The following PCDH15 variants were observed in gnomAD, a reference collection of about 807,000 sequenced individuals.
PCDH15 encodes protocadherin-15.
A neutral mutation model predicts 178.5 loss-of-function variants in PCDH15; 129 were observed. The ratio of observed to expected loss-of-function variants is 0.72; its 90% confidence interval spans 0.63 to 0.84. The LOEUF is 0.84. Ranked by LOEUF, PCDH15 falls within the 40% of genes least tolerant of loss-of-function variation. PCDH15 has a pLI of 0.00. For synonymous variants in PCDH15, 800 were observed against 732.0 expected (o/e 1.09, Z -1.50); for missense variants, 2,230 against 2,099.9 (o/e 1.06, Z -1.21).
At position 54,066,892 on chromosome 10, in the gene PCDH15, G is replaced by A. The variant is rs748605459; in HGVS notation, c.2092-7C>T. Reference sequence around the variant, plus strand: ...TTACTGTGGCAGTTGAGGTCTTAAAGAAAAACACAAGCATTAAATGTGAGA... The same window carrying A: ...TTACTGTGGCAGTTGAGGTCTTAAAAAAAAACACAAGCATTAAATGTGAGA... On this transcript the variant is annotated splice_polypyrimidine_tract_variant and splice_region_variant and intron_variant, in intron 17 of 37. Coordinates refer to ENST00000644397, the MANE Select transcript of PCDH15 (RefSeq NM_001384140.1). 1 of 1,612,418 alleles carries A rather than the reference G, an allele frequency of 6.2e-7. No homozygotes were observed. The highest frequency in any genetic ancestry group is 8.5e-7 in the Non-Finnish European group (1 of 1,178,960).
chr10:54,971,416 T>A (rs1038521775), intron 2 of PCDH15, among the ~76,000 whole-genome samples: 1 of 152,100 alleles, frequency 6.6e-6, no homozygotes, highest in African/African-American at 2.4e-5. Context: ...AAGTACAGCC[T>A]GGGCCCTTAC....
chr10:54,799,159 A>G (rs1270469595), intron 1 of PCDH15, among the ~76,000 whole-genome samples: 1 of 152,264 alleles, frequency 6.6e-6, no homozygotes, highest in Non-Finnish European at 1.5e-5. Context: ...TAAAAATAAT[A>G]ATTACCTTTT....
At chr10:54,108,033 A>G (rs1270034671) in intron 15 of PCDH15, among the ~76,000 whole-genome samples, 1 of 152,148 alleles carries the variant, frequency 6.6e-6, no homozygotes, top group Non-Finnish European at 1.5e-5. Flanking sequence ...AATGAGGGTA[A>G]TCATGGTGTC....
chr10:54,670,976 T>C (rs1381226334), intron 1 of PCDH15, among the ~76,000 whole-genome samples: 1 of 152,148 alleles, frequency 6.6e-6, no homozygotes, highest in African/African-American at 2.4e-5. Flanking sequence ...TTCCATTCCA[T>C]CTATGTTTTC....
intron 2 of PCDH15, among the ~76,000 whole-genome samples, chr10:54,618,259 C>A (rs1038002785): frequency 2.0e-5 from 3 of 152,086 alleles, no homozygotes; most frequent in African/African-American, 7.2e-5. Context: ...GAGCAATAAA[C>A]ATACATATCT....
In PCDH15 at chr10:54,167,439, C is replaced by T. The variant is rs181179596; in HGVS notation, c.1591-14146G>A. Among the ~76,000 whole-genome samples, 983 of 152,202 alleles carry T rather than the reference C, an allele frequency of 6.5e-3. 12 individuals are homozygous for T. Among genetic ancestry groups the T allele is most frequent in the African/African-American group, 0.022 (918 of 41,530 alleles). ...ATCCGTGGACCCAAAACTCCGGCGC[C>T]GGTCACGGACAGGGAAGGCAGCCTT... On this transcript the variant is annotated intron_variant, in intron 13 of 37. Coordinates refer to ENST00000644397, the MANE Select transcript of PCDH15 (RefSeq NM_001384140.1).
At chr10:54,599,312 T>C (rs1007463586) in intron 2 of PCDH15, among the ~76,000 whole-genome samples, 6 of 151,990 alleles carry the variant, frequency 3.9e-5, no homozygotes, top group African/African-American at 9.7e-5. Context: ...AACATATGCA[T>C]AGACCAAAAA....
At chr10:54,781,702 C>G (rs556244875) in intron 1 of PCDH15, among the ~76,000 whole-genome samples, 189 of 152,220 alleles carry the variant, frequency 1.2e-3, no homozygotes, top group Non-Finnish European at 2.1e-3. Context: ...TATTAGTTCT[C>G]TAAATCTATC....
intron 3 of PCDH15, among the ~76,000 whole-genome samples, chr10:54,422,723 C>T (rs185486699): frequency 8.7e-4 from 133 of 152,196 alleles, no homozygotes; most frequent in Non-Finnish European, 1.5e-3. Context: ...TCAAAGATTA[C>T]ATTACTAATT....
At chr10:53,949,499 T>TG (rs2086837975) in intron 23 of PCDH15, among the ~76,000 whole-genome samples, 1 of 152,162 alleles carries the variant, frequency 6.6e-6, no homozygotes, top group African/African-American at 2.4e-5. Flanking sequence ...TTTCTCAAAA[T>TG]CTGTAAGTCC....
intron 15 of PCDH15, among the ~76,000 whole-genome samples, chr10:54,124,550 G>T (rs1176398269): frequency 6.6e-6 from 1 of 152,142 alleles, no homozygotes; most frequent in Non-Finnish European, 1.5e-5. Flanking sequence ...ATGAAAAAGG[G>T]CATTGCCATG....
At chr10:54,226,254 A>C (rs1564728831) in intron 9 of PCDH15, among the ~76,000 whole-genome samples, 1 of 152,088 alleles carries the variant, frequency 6.6e-6, no homozygotes, top group African/African-American at 2.4e-5. Flanking sequence ...CAGCAGGCAA[A>C]GAGAGAGAGA....
intron 8 of PCDH15, among the ~76,000 whole-genome samples, chr10:54,310,150 T>C (rs1282169284): frequency 1.3e-5 from 2 of 151,978 alleles, no homozygotes; most frequent in South Asian, 4.1e-4. Context: ...TTAGAAGAGA[T>C]GAGACTGGAA....
At chr10:54,911,912 C>T (rs1193344714) in intron 2 of PCDH15, among the ~76,000 whole-genome samples, 1 of 152,160 alleles carries the variant, frequency 6.6e-6, no homozygotes, top group Admixed American at 6.5e-5. Flanking sequence ...TCATAAATAA[C>T]CCAGTCTCAA....
chr10:54,570,748 A>T (rs1304868054), intron 2 of PCDH15, among the ~76,000 whole-genome samples: 1 of 151,450 alleles, frequency 6.6e-6, no homozygotes, highest in African/African-American at 2.4e-5. Flanking sequence ...GGCCTCCAGG[A>T]TTCAAGCAAT....
At chr10:54,688,227 G>A (rs573693890) in intron 1 of PCDH15, among the ~76,000 whole-genome samples, 1 of 152,186 alleles carries the variant, frequency 6.6e-6, no homozygotes, top group East Asian at 1.9e-4. Flanking sequence ...AAAAATTGAA[G>A]TTATAAAAGT....
intron 1 of PCDH15, among the ~76,000 whole-genome samples, chr10:54,777,877 T>A (rs1949873901): frequency 6.6e-6 from 1 of 152,216 alleles, no homozygotes; most frequent in African/African-American, 2.4e-5. Context: ...GTATGTCAGC[T>A]AGTAGCATGG....
At chr10:54,270,549 C>T (rs568537652) in intron 8 of PCDH15, among the ~76,000 whole-genome samples, 3 of 152,210 alleles carry the variant, frequency 2.0e-5, no homozygotes, top group Non-Finnish European at 2.9e-5. Context: ...ACTTCTTCAG[C>T]GTATCCTCAT....
intron 6 of PCDH15, 56 bp from the exon 7 acceptor site, chr10:54,329,762 A>C: frequency 8.6e-7 from 1 of 1,160,902 alleles, no homozygotes; most frequent in Non-Finnish European, 1.3e-6. Flanking sequence ...TGAATTAATA[A>C]CTCAATATTT....
Sources: allele counts gnomAD v4.1 joint callset (sites outside exome capture counted in the v4.1 genomes callset), GRCh38; gene constraint gnomAD v4.1.1; transcripts MANE v1.5; gene names NCBI Gene and HGNC (gene_info 2026-07-23, HGNC 2026-07-21).